SV2C: variants seen among roughly 807,000 people sequenced by gnomAD.
SV2C encodes solute carrier family 22 member B3.
Under a neutral mutation model 79.7 loss-of-function variants are expected in SV2C, and 49 were observed. The ratio of observed to expected loss-of-function variants is 0.61; its 90% CI spans 0.49 to 0.78. The LOEUF (loss-of-function observed/expected upper bound fraction) is 0.78. SV2C is among the 30% of genes least tolerant of loss of function. The pLI is 0.00. For missense variants in SV2C, 833 were observed against 912.9 expected (o/e 0.91, Z 1.13); for synonymous variants, 334 against 333.2 (o/e 1.00, Z -0.03).
chr5:76,232,723 A>T (rs1449431701), intron 4 of SV2C, among the ~76,000 whole-genome samples: 3 of 141,042 alleles, frequency 2.1e-5, no homozygotes, highest in Non-Finnish European at 4.5e-5. Context: ...TGTTTTTCTC[A>T]GGTTTGTCAA....
chr5:76,218,650 T>C (rs1744974322), intron 4 of SV2C, among the ~76,000 whole-genome samples: 1 of 152,188 alleles, frequency 6.6e-6, no homozygotes, highest in Non-Finnish European at 1.5e-5. Flanking sequence ...CTAATGCATG[T>C]GGGGCTTTAA....
At chr5:76,142,482 G>A (rs946050453) in intron 2 of SV2C, among the ~76,000 whole-genome samples, 3 of 152,156 alleles carry the variant, frequency 2.0e-5, no homozygotes, top group Non-Finnish European at 4.4e-5. Context: ...TTCACATAAA[G>A]ATTTTGGAGA....
chr5:76,261,227 G>A (rs1431492158), intron 4 of SV2C, among the ~76,000 whole-genome samples: 1 of 152,096 alleles, frequency 6.6e-6, no homozygotes, highest in Non-Finnish European at 1.5e-5. Context: ...GGTCACTCAT[G>A]ATTTGGCTCT....
At chr5:75,904,767 G>A in the SV2C span, among the ~76,000 whole-genome samples, 8 of 152,190 alleles carry the variant, frequency 5.3e-5, no homozygotes, top group Middle Eastern at 3.2e-3. Context: ...TCTACAATGC[G>A]AAAACTGACT....
the SV2C span, among the ~76,000 whole-genome samples, chr5:75,868,738 C>T: frequency 6.6e-6 from 1 of 152,226 alleles, no homozygotes; most frequent in Admixed American, 6.5e-5. Context: ...GGCTGGGTGT[C>T]AGTGGAGTTA....
At chr5:76,204,777 A>G (rs150870788) in intron 3 of SV2C, among the ~76,000 whole-genome samples, 146 of 152,308 alleles carry the variant, frequency 9.6e-4, no homozygotes, top group Middle Eastern at 3.4e-3. Flanking sequence ...CTTTGCCTGA[A>G]ACAGCGTACA....
chr5:75,855,750 T>C, the SV2C span, among the ~76,000 whole-genome samples: 1 of 152,202 alleles, frequency 6.6e-6, no homozygotes, highest in African/African-American at 2.4e-5. Flanking sequence ...AATCACATCA[T>C]ATAAAATGGG....
chr5:76,279,066 A>G (rs1580014457), intron 4 of SV2C, among the ~76,000 whole-genome samples: 1 of 152,192 alleles, frequency 6.6e-6, no homozygotes, highest in South Asian at 2.1e-4. Context: ...TGAGGGAAAA[A>G]GAAGATGAGG....
chr5:76,303,287 C>T (rs909962607), intron 12 of SV2C, among the ~76,000 whole-genome samples: 27 of 152,260 alleles, frequency 1.8e-4, no homozygotes, highest in South Asian at 6.2e-4. Context: ...AGAGTTGGTG[C>T]GGCCAAAAGC....
Position 76,347,534 on chromosome 5 carries a change from T to A in SV2C, c.2001-5596T>A, listed in dbSNP as rs1749567142. 2.0e-5 allele frequency among the ~76,000 whole-genome samples: 3 copies of A among 152,266 alleles called. No homozygotes were observed. In the East Asian group the frequency reaches 5.8e-4, roughly 29 times the overall value. On this transcript the variant is annotated intron_variant, in intron 12 of 12. Coordinates refer to the SV2C transcript ENST00000322285. The stretch of plus-strand genomic sequence containing the variant: ...GTCTCCTCTCACTGCAACCTCCACT[T>A]CCCAGGTTCAAGCAATTCTGGTGCC...
At chr5:76,139,819 A>T (rs1580299579) in intron 2 of SV2C, among the ~76,000 whole-genome samples, 1 of 150,432 alleles carries the variant, frequency 6.6e-6, no homozygotes, top group East Asian at 2.0e-4. Flanking sequence ...CTGGAATTTT[A>T]CTTGACTTTT....
At chr5:76,205,724 T>C (rs1218723991) in intron 3 of SV2C, among the ~76,000 whole-genome samples, 1 of 152,212 alleles carries the variant, frequency 6.6e-6, no homozygotes, top group East Asian at 1.9e-4. Flanking sequence ...TTATGGACTT[T>C]TATATAAAAC....
chr5:75,983,276 C>G, the SV2C span, among the ~76,000 whole-genome samples: 1 of 151,998 alleles, frequency 6.6e-6, no homozygotes, highest in African/African-American at 2.4e-5. Flanking sequence ...TCACTCGGGA[C>G]CATCATTATG....
At chr5:75,912,734 G>A in the SV2C span, among the ~76,000 whole-genome samples, 1 of 152,032 alleles carries the variant, frequency 6.6e-6, no homozygotes, top group African/African-American at 2.4e-5. Context: ...CTTATTCTTA[G>A]GTAACAGCTC....
chr5:75,924,796 CATAAAA>C, the SV2C span, among the ~76,000 whole-genome samples: 12 of 150,568 alleles, frequency 8.0e-5, no homozygotes, highest in African/African-American at 2.4e-4. Context: ...GAAGTTTGAT[CATAAAA>C]ATAAAATAGG....
the SV2C span, among the ~76,000 whole-genome samples, chr5:75,862,099 T>C: frequency 6.6e-6 from 1 of 152,242 alleles, no homozygotes; most frequent in African/African-American, 2.4e-5. Context: ...AGCAACATGA[T>C]CATTTCCCAG....
chr5:76,188,513 G>A (rs1359820892), intron 2 of SV2C, among the ~76,000 whole-genome samples: 1 of 152,126 alleles, frequency 6.6e-6, no homozygotes, highest in Non-Finnish European at 1.5e-5. Flanking sequence ...TTTGCTACCT[G>A]ACCCAAAGTT....
intron 4 of SV2C, among the ~76,000 whole-genome samples, chr5:76,283,848 G>C (rs956527736): frequency 2.0e-5 from 3 of 152,168 alleles, no homozygotes; most frequent in Non-Finnish European, 4.4e-5. Flanking sequence ...TCTGTCTCAA[G>C]TCCTGGCAGG....
the SV2C span, among the ~76,000 whole-genome samples, chr5:75,900,904 C>A: frequency 6.6e-6 from 1 of 152,220 alleles, no homozygotes; most frequent in East Asian, 1.9e-4. Flanking sequence ...GCATTCTTCA[C>A]GTAGTTCTTG....
Sources: allele counts gnomAD v4.1 joint callset (sites outside exome capture counted in the v4.1 genomes callset), GRCh38; gene constraint gnomAD v4.1.1; transcripts MANE v1.5; gene names NCBI Gene and HGNC (gene_info 2026-07-23, HGNC 2026-07-21).